Variants in CATSPERT observed in about 807,000 individuals in gnomAD.
CATSPERT encodes the protein cation channel sperm-associated targeting subunit tau.
the CATSPERT span, among the ~76,000 whole-genome samples, chr2:201,513,284 A>G: frequency 6.6e-6 from 1 of 152,148 alleles, no homozygotes. Context: ...ACATGAATAG[A>G]CACTTCTCAA....
At chr2:201,510,053 G>GGCT in the CATSPERT span, among the ~76,000 whole-genome samples, 1 of 150,890 alleles carries the variant, frequency 6.6e-6, no homozygotes. Context: ...GGGCATGGCT[G>GGCT]GCTCCAGGGA....
the CATSPERT span, chr2:201,547,535 T>C: frequency 1.3e-6 from 2 of 1,556,886 alleles, no homozygotes; most frequent in Non-Finnish European, 1.8e-6. Context: ...ATTTTGGCAT[T>C]AGAATGCTTT....
the CATSPERT span, among the ~76,000 whole-genome samples, chr2:201,613,909 C>T: frequency 6.6e-6 from 1 of 152,194 alleles, no homozygotes; most frequent in East Asian, 1.9e-4. Context: ...CTATGTGACG[C>T]ATGCACAAGC....
At chr2:201,568,426 G>T in the CATSPERT span, among the ~76,000 whole-genome samples, 1 of 152,154 alleles carries the variant, frequency 6.6e-6, no homozygotes, top group African/African-American at 2.4e-5. Flanking sequence ...TCAGCCAAAA[G>T]CAAACTGCTC....
chr2:201,617,356 A>C, the CATSPERT span, among the ~76,000 whole-genome samples: 1 of 152,216 alleles, frequency 6.6e-6, no homozygotes. Flanking sequence ...GTACCAAAAC[A>C]GAGATATAGA....
the CATSPERT span, among the ~76,000 whole-genome samples, chr2:201,569,544 A>C: frequency 1.2e-3 from 187 of 152,210 alleles, no homozygotes; most frequent in African/African-American, 4.1e-3. Context: ...CATTGCATTT[A>C]AGTTTCCCAA....
chr2:201,508,222 C>A, the CATSPERT span, among the ~76,000 whole-genome samples: 1 of 152,092 alleles, frequency 6.6e-6, no homozygotes, highest in Non-Finnish European at 1.5e-5. Context: ...AGAATAAAAG[C>A]CTTTTATGTA....
At chr2:201,529,588 A>T in the CATSPERT span, among the ~76,000 whole-genome samples, 1 of 152,188 alleles carries the variant, frequency 6.6e-6, no homozygotes, top group Non-Finnish European at 1.5e-5. Flanking sequence ...CATACACAAA[A>T]ATCATCTCAA....
At chr2:201,518,626 A>G in the CATSPERT span, among the ~76,000 whole-genome samples, 1 of 152,232 alleles carries the variant, frequency 6.6e-6, no homozygotes, top group Non-Finnish European at 1.5e-5. Flanking sequence ...AAGACAGAGT[A>G]CCAAGAGTCA....
chr2:201,568,245 T>C, the CATSPERT span, among the ~76,000 whole-genome samples: 1 of 152,186 alleles, frequency 6.6e-6, no homozygotes, highest in Non-Finnish European at 1.5e-5. Context: ...CTAGAGTAGT[T>C]GCTACTTCTT....
chr2:201,526,673 T>C, the CATSPERT span, among the ~76,000 whole-genome samples: 1 of 152,068 alleles, frequency 6.6e-6, no homozygotes, highest in Non-Finnish European at 1.5e-5. Context: ...AACAACATGA[T>C]CATCTCAATA....
the CATSPERT span, among the ~76,000 whole-genome samples, chr2:201,605,077 CAT>C: frequency 1.5e-3 from 223 of 150,494 alleles, no homozygotes; most frequent in African/African-American, 5.0e-3. Context: ...CACACACACA[CAT>C]ACACAAACAT....
At chr2:201,538,724 C>G in the CATSPERT span, among the ~76,000 whole-genome samples, 3 of 152,032 alleles carry the variant, frequency 2.0e-5, no homozygotes, top group Non-Finnish European at 2.9e-5. Flanking sequence ...TATAGGTAAA[C>G]GTGTGTCATG....
the CATSPERT span, among the ~76,000 whole-genome samples, chr2:201,607,744 T>A: frequency 6.6e-6 from 1 of 152,204 alleles, no homozygotes; most frequent in African/African-American, 2.4e-5. Flanking sequence ...AAAAACCGAA[T>A]TGCCTTTCCC....
chr2:201,543,351 T>C, the CATSPERT span, among the ~76,000 whole-genome samples: 2 of 152,196 alleles, frequency 1.3e-5, no homozygotes, highest in African/African-American at 4.8e-5. Context: ...TGGTTCCACA[T>C]AAATTTTAGG....
At chr2:201,575,366 AT>A in the CATSPERT span, 1 of 1,511,500 alleles carries the variant, frequency 6.6e-7, no homozygotes, top group South Asian at 1.3e-5. Context: ...AGAATTACCC[AT>A]GTATTTCCCT....
the CATSPERT span, among the ~76,000 whole-genome samples, chr2:201,502,107 C>A: frequency 2.6e-5 from 4 of 152,184 alleles, no homozygotes; most frequent in Non-Finnish European, 4.4e-5. Flanking sequence ...GGGAACTAGG[C>A]TTCTGCTGCT....
the CATSPERT span, among the ~76,000 whole-genome samples, chr2:201,590,120 T>G: frequency 6.6e-6 from 1 of 152,026 alleles, no homozygotes; most frequent in Non-Finnish European, 1.5e-5. Flanking sequence ...TATCTCCCAA[T>G]GCTATCCCTC....
At chr2:201,588,174 TG>T in the CATSPERT span, among the ~76,000 whole-genome samples, 1 of 151,164 alleles carries the variant, frequency 6.6e-6, no homozygotes, top group Non-Finnish European at 1.5e-5. Context: ...GATGAAAACT[TG>T]GCAGAGATTC....
Sources: gnomAD v4.1 joint callset for allele counts (sites outside exome capture counted in the v4.1 genomes callset) on GRCh38, gnomAD v4.1.1 for gene constraint, MANE v1.5 for transcripts, NCBI Gene and HGNC (gene_info 2026-07-23, HGNC 2026-07-21) for gene names.